The following CA12 variants were observed in gnomAD, a reference collection of about 807,000 sequenced individuals.
The protein encoded by CA12 is carbonate dehydratase XII.
Under a neutral mutation model 46.8 loss-of-function variants are expected in CA12, and 36 were observed. That is an observed-to-expected ratio of 0.77 (90% CI 0.59 to 1.02). The LOEUF (loss-of-function observed/expected upper bound fraction) is 1.02. Ranked by LOEUF, CA12 falls within the 50% of genes least tolerant of loss-of-function variation. The pLI is 0.00. For synonymous variants in CA12, 202 were observed against 187.0 expected (o/e 1.08, Z -0.65); for missense variants, 436 against 451.4 (o/e 0.97, Z 0.31).
chr15:63,379,568 G>A (rs1226964594), intron 1 of CA12, among the ~76,000 whole-genome samples: 2 of 152,198 alleles, frequency 1.3e-5, no homozygotes, highest in East Asian at 1.9e-4. Flanking sequence ...CCTTCCCAAG[G>A]AAGGTTATCT....
chr15:63,337,780 T>G (rs1394779451), intron 8 of CA12, among the ~76,000 whole-genome samples: 1 of 152,208 alleles, frequency 6.6e-6, no homozygotes, highest in Non-Finnish European at 1.5e-5. Flanking sequence ...TTTCACCATG[T>G]TGGTCAGGCT....
At chr15:63,376,593 T>TCTTTCTTTCTTTCTTTCTTTC (rs1413847639) in intron 1 of CA12, among the ~76,000 whole-genome samples, 1 of 124,298 alleles carries the variant, frequency 8.0e-6, no homozygotes, top group African/African-American at 2.8e-5. Context: ...TTTCTTTCTT[T>TCTTTCTTTCTTTCTTTCTTTC]CTTTCTTTCT....
intron 2 of CA12, among the ~76,000 whole-genome samples, chr15:63,369,454 A>G (rs572896279): frequency 6.6e-6 from 1 of 152,330 alleles, no homozygotes; most frequent in Non-Finnish European, 1.5e-5. Flanking sequence ...TTTGATCCTT[A>G]CCACAACCCT....
chr15:63,358,341 C>T (rs2039318147), intron 2 of CA12, among the ~76,000 whole-genome samples: 1 of 152,166 alleles, frequency 6.6e-6, no homozygotes, highest in Non-Finnish European at 1.5e-5. Flanking sequence ...AAAGAGAAAA[C>T]TTCAAATGAT....
chr15:63,381,011 CTGTGTGTG>C (rs66492957), intron 1 of CA12, among the ~76,000 whole-genome samples: 4,708 of 148,338 alleles, frequency 0.032, 98 homozygotes, highest in Middle Eastern at 0.058. Context: ...CAGAAATATG[CTGTGTGTG>C]TGTGTGTGTG....
In CA12 at chr15:63,340,836, C is replaced by A. The variant is rs2039069557; in HGVS notation, c.526-53G>T. 6.5e-7 allele frequency: 1 copy of A among 1,532,442 alleles called. No individual in the cohort carries two copies. The highest frequency in any genetic ancestry group is 1.4e-5 in the African/African-American group (1 of 73,218). The allele number at this position is 1,532,442 out of a possible 1,614,324, so 94.9% of individuals were successfully genotyped here. ...TGGGACAGAACAGGATAGGCTGAGCCAGGATTGACGATTGCTATCAGAAGG... is the reference window on the plus strand; with the variant it reads ...TGGGACAGAACAGGATAGGCTGAGCAAGGATTGACGATTGCTATCAGAAGG... On this transcript the variant is annotated intron_variant, in intron 5 of 10. Transcript: ENST00000178638. This position sits in a 1 kb window ranked among gnomAD's most constrained non-coding sequence, Gnocchi z 4.4.
At chr15:63,334,443 G>A (rs961346356) in intron 8 of CA12, among the ~76,000 whole-genome samples, 1 of 150,626 alleles carries the variant, frequency 6.6e-6, no homozygotes, top group Non-Finnish European at 1.5e-5. Flanking sequence ...TTTAAGTAGA[G>A]AGGGGGTTTC....
intron 2 of CA12, among the ~76,000 whole-genome samples, chr15:63,363,141 CT>C (rs1174977064): frequency 6.6e-6 from 1 of 152,194 alleles, no homozygotes; most frequent in Non-Finnish European, 1.5e-5. Flanking sequence ...TCAGTTCTTT[CT>C]TTTTTTCTTA....
In CA12 at chr15:63,374,203, AGCCCGTGACTCC is replaced by A. The variant is rs1261744240; in HGVS notation, c.106+1443_106+1454del. The stretch of plus-strand genomic sequence containing the variant: ...ACCCAGCCTATCTCTCTGACCTTAG[AGCCCGTGACTCC>A]GCTATCAACCCTTCTCCACATGCTT... On this transcript the variant is annotated intron_variant, in intron 2 of 10. Coordinates refer to ENST00000178638, the MANE Select transcript of CA12 (RefSeq NM_001218.5). The surrounding 1 kb of genome is among the most constrained non-coding windows in gnomAD (Gnocchi z 4.4). Among the ~76,000 whole-genome samples, 1 of 152,022 alleles carries A rather than the reference AGCCCGTGACTCC, an allele frequency of 6.6e-6. No individual in the cohort carries two copies. The highest frequency in any genetic ancestry group is 2.4e-5 in the African/African-American group (1 of 41,374).
At position 63,378,011 on chromosome 15, in the gene CA12, C is replaced by G. The variant is rs1432724893; in HGVS notation, c.86-2333G>C. Among the ~76,000 whole-genome samples, 2 of 152,228 alleles carry G rather than the reference C, an allele frequency of 1.3e-5. No homozygotes were observed. The highest frequency in any genetic ancestry group is 2.9e-5 in the Non-Finnish European group (2 of 68,046). Reference sequence around the variant, plus strand: ...ATGAACTTAGGGAATCTTCAAGTCTCCTCAATCTTTGGAGTAGTTAAGTGG... The same window carrying G: ...ATGAACTTAGGGAATCTTCAAGTCTGCTCAATCTTTGGAGTAGTTAAGTGG... On this transcript the variant is annotated intron_variant, in intron 1 of 10. Coordinates refer to ENST00000178638, the MANE Select transcript of CA12 (RefSeq NM_001218.5). This position sits in a 1 kb window ranked among gnomAD's most constrained non-coding sequence, Gnocchi z 4.8.
Position 63,378,329 on chromosome 15 carries a change from A to G in CA12, c.86-2651T>C, listed in dbSNP as rs1233218727. On this transcript the variant is annotated intron_variant, in intron 1 of 10. Transcript: ENST00000178638. The surrounding 1 kb of genome is among the most constrained non-coding windows in gnomAD (Gnocchi z 4.8). ...CTTGAACCCGGGAGGCGGAGGTTGC[A>G]GTGAGCTGAGATTGTGCCATTGCAC... Among the ~76,000 whole-genome samples the G allele has an allele frequency of 6.6e-6, 1 of 152,160 alleles. No homozygotes were observed. The highest frequency in any genetic ancestry group is 2.4e-5 in the African/African-American group (1 of 41,424).
intron 10 of CA12, 53 bp from the exon 11 acceptor site, chr15:63,326,410 G>A: frequency 6.9e-7 from 1 of 1,448,408 alleles, no homozygotes; most frequent in South Asian, 1.1e-5. Context: ...GAGCGAGCCA[G>A]AGAGCAGCCT....
intron 2 of CA12, among the ~76,000 whole-genome samples, chr15:63,369,910 C>T: frequency 6.6e-6 from 1 of 152,128 alleles, no homozygotes; most frequent in East Asian, 1.9e-4. Flanking sequence ...GCTGTGAACA[C>T]AAAAATGTAG....
intron 8 of CA12, among the ~76,000 whole-genome samples, chr15:63,338,026 G>C (rs368149821): frequency 6.6e-6 from 1 of 152,130 alleles, no homozygotes; most frequent in Non-Finnish European, 1.5e-5. Flanking sequence ...GTCTGAAGAG[G>C]GGTGTGGGCC....
chr15:63,347,594 G>T (rs1471075737), intron 2 of CA12, among the ~76,000 whole-genome samples: 2 of 152,212 alleles, frequency 1.3e-5, no homozygotes, highest in Admixed American at 1.3e-4. Context: ...CCAGATAGCA[G>T]TTCCTCCCCT....
In CA12 at chr15:63,346,658, A is replaced by C. The variant is rs1387167932; in HGVS notation, c.158T>G (p.Leu53Arg). Residue 53 changes from leucine (L) to arginine (R), a missense_variant, in exon 3 of 11, where the codon CTG (leucine) becomes CGG (arginine). Transcript: ENST00000178638. ...GTGCAGGTCTATGGGGGACTGCAGC[A>C]GGCCCCCACACGACGGGTACTTCTT... ...WSKKYPSCGG[L>R]LQSPIDLHSD... The C allele has an allele frequency of 4.4e-6, 7 of 1,608,816 alleles. No homozygotes were observed. The highest frequency in any genetic ancestry group is 5.9e-6 in the Non-Finnish European group (7 of 1,177,080).
Position 63,328,265 on chromosome 15 carries a change from AG to A in CA12, c.875-136del. ...CTCTAGGGATGTCCACCCTTGGCTC[AG>A]GGATTGCCTGATGAAGTACAGGAAA... On this transcript the variant is annotated intron_variant, in intron 8 of 10. Transcript: ENST00000178638. The surrounding 1 kb of genome is among the most constrained non-coding windows in gnomAD (Gnocchi z 5.9). 1 of 783,612 alleles carries A rather than the reference AG, an allele frequency of 1.3e-6. No individual in the cohort carries two copies. Among genetic ancestry groups the A allele is most frequent in the Non-Finnish European group, 2.2e-6 (1 of 448,524 alleles). The allele number at this position is 783,612 out of a possible 1,614,324, so 48.5% of individuals were successfully genotyped here. A position where few individuals can be genotyped will look rare whatever the true frequency, so the allele number is the denominator to read the frequency against.
Position 63,322,499 on chromosome 15 carries a change from C to A in CA12, c.*3786G>T, listed in dbSNP as rs2038803326. The A allele has an allele frequency of 6.6e-6, 1 of 151,634 alleles. No individual in the cohort carries two copies. The highest frequency in any genetic ancestry group is 1.5e-5 in the Non-Finnish European group (1 of 67,982). The allele number at this position is 151,634 out of a possible 1,614,324, so 9.4% of individuals were successfully genotyped here. A position where few individuals can be genotyped will look rare whatever the true frequency, so the allele number is the denominator to read the frequency against. The stretch of plus-strand genomic sequence containing the variant: ...TATTACATTTCTCTCGGCCTGTGTG[C>A]TCTAGATGGTTGATTTGGCTGGATT... On this transcript the variant is annotated 3_prime_UTR_variant, in exon 11 of 11. Coordinates refer to ENST00000178638, the MANE Select transcript of CA12 (RefSeq NM_001218.5). The surrounding 1 kb of genome is among the most constrained non-coding windows in gnomAD (Gnocchi z 4.1).
rs1056131535 is a variant in CA12, at chr15:63,373,374, T to G, written c.106+2284A>C. Among the ~76,000 whole-genome samples, 1 of 139,630 alleles carries G rather than the reference T, an allele frequency of 7.2e-6. No homozygotes were observed. Among genetic ancestry groups the G allele is most frequent in the Non-Finnish European group, 1.6e-5 (1 of 64,106 alleles). 91.6% of individuals were successfully genotyped at this position (139,630 alleles called of 152,430 possible). On this transcript the variant is annotated intron_variant, in intron 2 of 10. Coordinates refer to ENST00000178638, the MANE Select transcript of CA12 (RefSeq NM_001218.5). This position sits in a 1 kb window ranked among gnomAD's most constrained non-coding sequence, Gnocchi z 4.9. ...TGAGACTCCAAAAAAAAAAAAAAAA[T>G]TTGTCCTCCCACACCTTCACACAAT... is the stretch of plus-strand genomic sequence containing the variant.
Sources: gnomAD v4.1 joint callset for allele counts (sites outside exome capture counted in the v4.1 genomes callset) on GRCh38, gnomAD v4.1.1 for gene constraint, Gnocchi (gnomAD v3.1) non-coding constraint, MANE v1.5 for transcripts, NCBI Gene and HGNC (gene_info 2026-07-23, HGNC 2026-07-21) for gene names.